The following WWC1 variants were observed in gnomAD, a reference collection of about 807,000 sequenced individuals.
The protein encoded by WWC1 is protein KIBRA.
WWC1 carries 55 observed loss-of-function variants against 138.4 expected under a neutral mutation model. That is an observed-to-expected ratio of 0.40 (90% confidence interval 0.32 to 0.50). WWC1 has a LOEUF of 0.50. Ranked by LOEUF, WWC1 falls within the 20% of genes least tolerant of loss-of-function variation. WWC1 has a pLI of 0.72. For missense variants in WWC1, 1,226 were observed against 1,420.4 expected (o/e 0.86, Z 2.20); for synonymous variants, 524 against 564.9 (o/e 0.93, Z 1.03).
chr5:168,396,505 C>T (rs1164081862), intron 3 of WWC1, among the ~76,000 whole-genome samples: 2 of 152,152 alleles, frequency 1.3e-5, no homozygotes, highest in African/African-American at 2.4e-5. Flanking sequence ...ATTGTTCCTA[C>T]AGTGTGATTA....
At chr5:168,444,909 AT>A (rs2152875021) in intron 17 of WWC1, among the ~76,000 whole-genome samples, 1 of 152,236 alleles carries the variant, frequency 6.6e-6, no homozygotes, top group African/African-American at 2.4e-5. Flanking sequence ...TAAATGGAAA[AT>A]TTGTGTAGTT....
chr5:168,462,504 G>T (rs990176597), intron 20 of WWC1, among the ~76,000 whole-genome samples: 1 of 152,174 alleles, frequency 6.6e-6, no homozygotes, highest in Non-Finnish European at 1.5e-5. Context: ...CCTGAAAACT[G>T]CATTTTAACA....
At chr5:168,322,971 C>T (rs1032430060) in intron 1 of WWC1, among the ~76,000 whole-genome samples, 2 of 152,110 alleles carry the variant, frequency 1.3e-5, no homozygotes, top group South Asian at 4.1e-4. Flanking sequence ...TTGACAGTGT[C>T]CAGCCAACAG....
intron 19 of WWC1, among the ~76,000 whole-genome samples, chr5:168,456,314 T>A (rs1034299262): frequency 2.1e-5 from 3 of 146,312 alleles, no homozygotes; most frequent in African/African-American, 5.2e-5. Flanking sequence ...AAAAAAAAAA[T>A]TATTTTTAAA....
At chr5:168,320,927 G>A (rs532410202) in intron 1 of WWC1, among the ~76,000 whole-genome samples, 1 of 152,328 alleles carries the variant, frequency 6.6e-6, no homozygotes, top group South Asian at 2.1e-4. Context: ...CGGAAAGGTA[G>A]CTGCTATATA....
intron 1 of WWC1, among the ~76,000 whole-genome samples, chr5:168,363,464 G>A (rs111726203): frequency 2.1e-5 from 3 of 140,312 alleles, no homozygotes; most frequent in African/African-American, 7.9e-5. Flanking sequence ...GGTAGAGATT[G>A]CAGTGAGCTT....
At chr5:168,422,734 T>A (rs1246661249) in intron 10 of WWC1, among the ~76,000 whole-genome samples, 4 of 152,178 alleles carry the variant, frequency 2.6e-5, no homozygotes. Flanking sequence ...TCAATAACAT[T>A]TTGTTCCATT....
chr5:168,374,554 T>G (rs1253709055), intron 2 of WWC1, among the ~76,000 whole-genome samples: 1 of 152,050 alleles, frequency 6.6e-6, no homozygotes, highest in Non-Finnish European at 1.5e-5. Context: ...TATAACATAA[T>G]GAGTGAGGAG....
chr5:168,430,116 A>C (rs763128955), intron 13 of WWC1, 21 bp from the exon 14 acceptor site: 5 of 1,578,244 alleles, frequency 3.2e-6, no homozygotes, highest in South Asian at 1.1e-5. Context: ...TAGGTACTTC[A>C]TATGCCCCTT....
chr5:168,331,823 C>T (rs796292088), intron 1 of WWC1, among the ~76,000 whole-genome samples: 3 of 152,168 alleles, frequency 2.0e-5, no homozygotes, highest in East Asian at 1.9e-4. Flanking sequence ...TAATTGTCAG[C>T]GGCTTGGAAG....
chr5:168,441,854 G>C lies in WWC1; in HGVS notation c.2433+20G>C, dbSNP rs1464181447. ...AGCACGGTGAGCTGGGACCAGGTGT[G>C]CCACCTTCCCACAAGGCCGCACCCG... On this transcript the variant is annotated intron_variant, in intron 16 of 22. Coordinates refer to ENST00000265293, the MANE Select transcript of WWC1 (RefSeq NM_015238.3). 6.2e-7 allele frequency: 1 copy of C among 1,608,710 alleles called. No homozygotes were observed. The highest frequency in any genetic ancestry group is 2.2e-5 in the East Asian group (1 of 44,744).
intron 11 of WWC1, among the ~76,000 whole-genome samples, chr5:168,427,127 AGGGGCTG>A (rs1328497126): frequency 6.6e-6 from 1 of 152,198 alleles, no homozygotes; most frequent in Non-Finnish European, 1.5e-5. Context: ...CTGAGGGTCC[AGGGGCTG>A]TTATTTTGCC....
chr5:168,312,933 C>T (rs1771247738), intron 1 of WWC1, among the ~76,000 whole-genome samples: 1 of 151,294 alleles, frequency 6.6e-6, no homozygotes, highest in South Asian at 2.1e-4. Flanking sequence ...CTCAGCCTCT[C>T]GAGTAGCTGG....
At chr5:168,304,768 C>A (rs1354622777) in intron 1 of WWC1, among the ~76,000 whole-genome samples, 1 of 151,880 alleles carries the variant, frequency 6.6e-6, no homozygotes, top group African/African-American at 2.4e-5. Flanking sequence ...GCCAGGATTG[C>A]AGAATCGCCT....
intron 5 of WWC1, among the ~76,000 whole-genome samples, chr5:168,401,194 A>G (rs1173062822): frequency 1.3e-5 from 2 of 152,212 alleles, no homozygotes; most frequent in Non-Finnish European, 2.9e-5. Context: ...TATTAACTAC[A>G]GCATGTAACA....
chr5:168,452,186 G>A lies in WWC1; in HGVS notation c.2526-1782G>A, dbSNP rs371876448. On this transcript the variant is annotated intron_variant, in intron 17 of 22. Coordinates refer to ENST00000265293, the MANE Select transcript of WWC1 (RefSeq NM_015238.3). ...CACCCAAAGTGCTGGGATTACAGGCGTGAGCTACCACGCCTGGCCTGTTGG... is the reference window on the plus strand; with the variant it reads ...CACCCAAAGTGCTGGGATTACAGGCATGAGCTACCACGCCTGGCCTGTTGG... 5.9e-5 allele frequency among the ~76,000 whole-genome samples: 9 copies of A among 152,274 alleles called. No homozygotes were observed. The South Asian group carries it at 1.2e-3, about 21-fold the overall frequency.
intron 20 of WWC1, 71 bp downstream of exon 20, chr5:168,460,813 C>G (rs1170347145): frequency 1.4e-6 from 2 of 1,456,918 alleles, no homozygotes; most frequent in African/African-American, 2.8e-5. Context: ...GTGTCCTGCA[C>G]ACACATCTCC....
intron 16 of WWC1, among the ~76,000 whole-genome samples, chr5:168,442,227 C>T (rs1190071134): frequency 2.0e-5 from 3 of 152,040 alleles, no homozygotes; most frequent in Middle Eastern, 3.2e-3. Context: ...AGCTAGAAAT[C>T]ATGGGAAGAG....
At chr5:168,388,276 A>G (rs1399035461) in intron 3 of WWC1, among the ~76,000 whole-genome samples, 1 of 148,064 alleles carries the variant, frequency 6.8e-6, no homozygotes, top group Non-Finnish European at 1.5e-5. Context: ...ATTCTATAAG[A>G]CAATTAGACT....
Sources: allele counts gnomAD v4.1 joint callset (sites outside exome capture counted in the v4.1 genomes callset), GRCh38; gene constraint gnomAD v4.1.1; transcripts MANE v1.5; gene names NCBI Gene and HGNC (gene_info 2026-07-23, HGNC 2026-07-21).